Variants in ELP4 observed in about 807,000 individuals in gnomAD.
ELP4 encodes the protein elongator complex protein 4.
Under a neutral mutation model 48.9 loss-of-function variants are expected in ELP4, and 51 were observed. That is an observed-to-expected ratio of 1.04 (90% confidence interval 0.83 to 1.32). The LOEUF (loss-of-function observed/expected upper bound fraction) is 1.32. Among genes scored for constraint, ELP4 ranks in the 40% most tolerant of loss-of-function variants. ELP4 has a pLI of 0.00. For synonymous variants in ELP4, 210 were observed against 189.2 expected (o/e 1.11, Z -0.90); for missense variants, 519 against 514.6 (o/e 1.01, Z -0.08).
At chr11:31,593,227 C>CTGTTGTTGTTGTTGTTGTTGT (rs61458094) in intron 3 of ELP4, among the ~76,000 whole-genome samples, 4 of 149,910 alleles carry the variant, frequency 2.7e-5, no homozygotes, top group African/African-American at 9.9e-5. Context: ...GTGAATAATA[C>CTGTTGTTGTTGTTGTTGTTGT]TGTTGTTGTT....
intron 9 of ELP4, among the ~76,000 whole-genome samples, chr11:31,655,670 C>G (rs924130154): frequency 1.8e-4 from 28 of 152,016 alleles, no homozygotes; most frequent in Non-Finnish European, 1.5e-5. Context: ...ACGACACAAT[C>G]ATGCGGTATT....
In ELP4 at chr11:31,749,759, A is replaced by C. The variant is rs551782012; in HGVS notation, c.1144-33634A>C. The stretch of plus-strand genomic sequence containing the variant: ...AGATAGTAATTCCTGTAACTAGAAA[A>C]TAAAACTAAATAAAACTAAATAGAT... On this transcript the variant is annotated intron_variant, in intron 9 of 9. Transcript: ENST00000640961. Among the ~76,000 whole-genome samples the C allele has an allele frequency of 1.2e-4, 19 of 152,118 alleles. No homozygotes were observed. The East Asian group carries it at 3.3e-3, about 26-fold the overall frequency.
At chr11:31,688,566 T>C (rs1265466266) in intron 9 of ELP4, among the ~76,000 whole-genome samples, 8 of 152,166 alleles carry the variant, frequency 5.3e-5, no homozygotes, top group Admixed American at 2.6e-4. Flanking sequence ...TTCATTAATG[T>C]CAAAGATTTC....
At chr11:31,702,339 TAA>T (rs1565119154) in intron 9 of ELP4, among the ~76,000 whole-genome samples, 16 of 151,416 alleles carry the variant, frequency 1.1e-4, no homozygotes, top group African/African-American at 3.9e-4. Context: ...ATAATAATAA[TAA>T]TAATAACAAT....
At chr11:31,551,875 T>G (rs952772161) in intron 3 of ELP4, among the ~76,000 whole-genome samples, 1 of 152,270 alleles carries the variant, frequency 6.6e-6, no homozygotes, top group African/African-American at 2.4e-5. Flanking sequence ...TCAAAACATA[T>G]CATGACCCTA....
chr11:31,776,655 T>G (rs1356100300), intron 9 of ELP4, among the ~76,000 whole-genome samples: 1 of 152,206 alleles, frequency 6.6e-6, no homozygotes, highest in East Asian at 1.9e-4. Context: ...CAGTTATAAT[T>G]GACGGTCAAA....
chr11:31,780,535 G>A (rs1948348042), intron 9 of ELP4: 1 of 152,154 alleles, frequency 6.6e-6, no homozygotes, highest in South Asian at 2.1e-4. Context: ...GTAGCATTTG[G>A]TTAAAAGCAG....
chr11:31,649,313 C>T (rs1009584558), intron 8 of ELP4: 3 of 151,550 alleles, frequency 2.0e-5, no homozygotes. Flanking sequence ...CTCGGGATGG[C>T]GATTTTTAAA....
At chr11:31,687,386 G>A (rs984111605) in intron 9 of ELP4, among the ~76,000 whole-genome samples, 1 of 152,176 alleles carries the variant, frequency 6.6e-6, no homozygotes, top group African/African-American at 2.4e-5. Context: ...GAAATTAAGG[G>A]AAGAGAGAAT....
At chr11:31,735,511 A>G (rs1316161591) in intron 9 of ELP4, among the ~76,000 whole-genome samples, 1 of 152,230 alleles carries the variant, frequency 6.6e-6, no homozygotes, top group Non-Finnish European at 1.5e-5. Flanking sequence ...AGGGCATTCA[A>G]CTAAGAAAAG....
chr11:31,778,353 A>G (rs1239578673), intron 9 of ELP4, among the ~76,000 whole-genome samples: 6 of 152,228 alleles, frequency 3.9e-5, no homozygotes, highest in Admixed American at 3.9e-4. Flanking sequence ...GAGCCGCAGT[A>G]GAGAGTAATT....
intron 7 of ELP4, among the ~76,000 whole-genome samples, chr11:31,634,674 G>C (rs2134049991): frequency 6.6e-6 from 1 of 152,108 alleles, no homozygotes; most frequent in East Asian, 1.9e-4. Flanking sequence ...TGATCTGGAT[G>C]TCTGAACCTG....
chr11:31,513,042 C>T (rs1367049866), intron 1 of ELP4, among the ~76,000 whole-genome samples: 3 of 151,766 alleles, frequency 2.0e-5, no homozygotes, highest in Non-Finnish European at 4.4e-5. Flanking sequence ...TGGTAACAGC[C>T]ATTTTTTAAC....
At chr11:31,652,975 T>C (rs895748611) in intron 9 of ELP4, 1 of 151,672 alleles carries the variant, frequency 6.6e-6, no homozygotes, top group Non-Finnish European at 1.5e-5. Flanking sequence ...CTGATTATCT[T>C]TTTACTAGCA....
intron 9 of ELP4, among the ~76,000 whole-genome samples, chr11:31,706,592 T>C (rs578047038): frequency 8.6e-4 from 128 of 147,998 alleles, no homozygotes; most frequent in Non-Finnish European, 9.7e-4. Flanking sequence ...ATGATATATT[T>C]AATTTAATTA....
chr11:31,583,951 T>C (rs1957431976), intron 3 of ELP4, among the ~76,000 whole-genome samples: 1 of 152,112 alleles, frequency 6.6e-6, no homozygotes, highest in African/African-American at 2.4e-5. Context: ...TAATATAAAT[T>C]TAAATTTTAA....
intron 2 of ELP4, among the ~76,000 whole-genome samples, chr11:31,523,743 G>A (rs1014174941): frequency 4.2e-5 from 6 of 142,848 alleles, no homozygotes; most frequent in Non-Finnish European, 9.2e-5. Context: ...AAAATCAAAG[G>A]TAAAATTTGA....
At chr11:31,709,248 T>C (rs1361916676) in intron 9 of ELP4, among the ~76,000 whole-genome samples, 1 of 152,112 alleles carries the variant, frequency 6.6e-6, no homozygotes, top group African/African-American at 2.4e-5. Context: ...TAGGAACAAA[T>C]TGATGATACG....
At chr11:31,607,082 T>C (rs904150514) in intron 5 of ELP4, among the ~76,000 whole-genome samples, 3 of 152,064 alleles carry the variant, frequency 2.0e-5, no homozygotes, top group Non-Finnish European at 2.9e-5. Context: ...CATGCAAGAA[T>C]GAAAGGCCAT....
Sources: gnomAD v4.1 joint callset for allele counts (sites outside exome capture counted in the v4.1 genomes callset) on GRCh38, gnomAD v4.1.1 for gene constraint, MANE v1.5 for transcripts, NCBI Gene and HGNC (gene_info 2026-07-23, HGNC 2026-07-21) for gene names.